The following ZNF732 variants were observed in gnomAD, a reference collection of about 807,000 sequenced individuals.
The protein encoded by ZNF732 is zinc finger protein LOC654254.
A neutral mutation model predicts 11.5 loss-of-function variants in ZNF732; 12 were observed. That is an observed-to-expected ratio of 1.05 (90% CI 0.67 to 1.70). ZNF732 has a LOEUF of 1.70. Ranked by LOEUF, ZNF732 falls within the 40% of genes most tolerant of loss-of-function variation. The pLI is 0.00. For synonymous variants in ZNF732, 231 were observed against 236.5 expected (o/e 0.98, Z 0.21); for missense variants, 702 against 676.9 (o/e 1.04, Z -0.41).
chr4:279,146 A>C (rs1206484515), intron 3 of ZNF732, among the ~76,000 whole-genome samples: 2 of 151,958 alleles, frequency 1.3e-5, no homozygotes, highest in Admixed American at 6.6e-5. Flanking sequence ...GAAAAAAAAA[A>C]CAGACATGGG....
At position 271,183 on chromosome 4, in the gene ZNF732, G is replaced by A; in HGVS notation, c.1674C>T (p.Pro558=). 6 of 1,554,200 alleles carry A rather than the reference G, an allele frequency of 3.9e-6. No homozygotes were observed. In the South Asian group the frequency reaches 7.1e-5, roughly 18 times the overall value. Residue 558 remains proline (P), a synonymous_variant, in exon 4 of 4, where the codon CCC becomes CCT. Transcript: ENST00000419098. Reference sequence around the variant, plus strand: ...AGGCTTTGCCACATCCTTTACATTTGGGGGTTTTATCTCCAGTATGAATTG... The same window carrying A: ...AGGCTTTGCCACATCCTTTACATTTAGGGGTTTTATCTCCAGTATGAATTG... ...YKTIHTGDKT[P]KCKGCGKAFK...
intron 3 of ZNF732, among the ~76,000 whole-genome samples, chr4:294,152 C>G (rs540713800): frequency 5.9e-5 from 9 of 152,178 alleles, no homozygotes; most frequent in African/African-American, 2.2e-4. Context: ...AGGCGCCCCC[C>G]ACCATGCCCA....
chr4:304,835 C>T (rs1720195890), intron 1 of ZNF732, among the ~76,000 whole-genome samples: 1 of 152,242 alleles, frequency 6.6e-6, no homozygotes, highest in Non-Finnish European at 1.5e-5. Flanking sequence ...CCTCACACAC[C>T]TCACAAAAGC....
rs1045391158 is a variant in ZNF732, at chr4:302,911, C to T, written c.3+2397G>A. Among the ~76,000 whole-genome samples the T allele has an allele frequency of 4.6e-5, 7 of 152,226 alleles. No individual in the cohort carries two copies. In the East Asian group the frequency reaches 1.4e-3, roughly 29 times the overall value. On this transcript the variant is annotated intron_variant, in intron 1 of 3. Transcript: ENST00000419098. The stretch of plus-strand genomic sequence containing the variant: ...TCTTTTAATCACCTAGCCTTGTTTC[C>T]ACCTGAGTTGACTCTCCCTTAGCTA...
intron 1 of ZNF732, among the ~76,000 whole-genome samples, chr4:300,225 G>T (rs1720085369): frequency 1.3e-5 from 2 of 150,456 alleles, no homozygotes; most frequent in African/African-American, 4.9e-5. Context: ...CACTTTGGGA[G>T]GCCGAGGCAG....
Position 271,033 on chromosome 4 carries a change from A to G in ZNF732, c.*66T>C. ...CACATTTGTATAGTTTATTTCCAGT[A>G]TAAATTTTCTTATGTTCATTCAGGT... On this transcript the variant is annotated 3_prime_UTR_variant, in exon 4 of 4. Transcript: ENST00000419098. 7.9e-7 allele frequency: 1 copy of G among 1,258,864 alleles called. No individual in the cohort carries two copies. Among genetic ancestry groups the G allele is most frequent in the Non-Finnish European group, 1.1e-6 (1 of 913,468 alleles). 78.0% of individuals were successfully genotyped at this position (1,258,864 alleles called of 1,614,324 possible).
Position 303,126 on chromosome 4 carries a change from T to C in ZNF732, c.3+2182A>G, listed in dbSNP as rs1560166453. On this transcript the variant is annotated intron_variant, in intron 1 of 3. Transcript: ENST00000419098. ...CAAAAGCCCCGCGTCTATCACCTTG[T>C]AATAATCTTAAAGCCCCTGCACCTG... Among the ~76,000 whole-genome samples, 4 of 152,234 alleles carry C rather than the reference T, an allele frequency of 2.6e-5. No homozygotes were observed. In the South Asian group the frequency reaches 8.3e-4, roughly 31 times the overall value.
At chr4:282,920 A>G (rs1719646302) in intron 3 of ZNF732, among the ~76,000 whole-genome samples, 1 of 152,214 alleles carries the variant, frequency 6.6e-6, no homozygotes, top group African/African-American at 2.4e-5. Flanking sequence ...AAAACAATGA[A>G]CAAAATGATA....
chr4:271,742 C>G lies in ZNF732; in HGVS notation c.1115G>C (p.Arg372Thr). The stretch of plus-strand genomic sequence containing the variant: ...ATGTTTATTAAGGGTTGCGGATTGT[C>G]TAAAGGCTTTGCCACATTGTTCACA... ...YKCEQCGKAF[R>T]QSATLNKHKS... The change falls in exon 4 of 4, where the codon AGA (arginine) becomes ACA (threonine). Residue 372 changes from arginine (R) to threonine (T), a missense_variant. Physicochemically the swap from Arg to Thr is moderately conservative, Grantham distance 71. This residue lies in a region of ZNF732 where 596 missense variants were observed against 557.9 expected (regional missense o/e 1.07). Coordinates refer to ENST00000419098, the MANE Select transcript of ZNF732 (RefSeq NM_001137608.3). 2 of 1,610,258 alleles carry G rather than the reference C, an allele frequency of 1.2e-6. No individual in the cohort carries two copies. The highest frequency in any genetic ancestry group is 1.3e-5 in the African/African-American group (1 of 74,430).
intron 3 of ZNF732, among the ~76,000 whole-genome samples, chr4:280,566 CAA>C (rs1479969685): frequency 2.6e-5 from 4 of 151,904 alleles, no homozygotes; most frequent in African/African-American, 9.7e-5. Flanking sequence ...GCCTGGGCAA[CAA>C]GAGCAAAAAA....
rs1719402868 is a variant in ZNF732, at chr4:272,339, CCA to C, written c.516_517del (p.Cys172TrpfsTer26). ...GTCTGAGAACTTCTGAAATGACTTGCCACATTCTTTAAAGTGTTTCTCTCCAG... is the reference window on the plus strand; with the variant it reads ...GTCTGAGAACTTCTGAAATGACTTGCCATTCTTTAAAGTGTTTCTCTCCAG... On this transcript the variant is annotated frameshift_variant, in exon 4 of 4. Transcript: ENST00000419098. LOFTEE classifies it low-confidence loss of function (END_TRUNC). 3 of 1,609,998 alleles carry C rather than the reference CCA, an allele frequency of 1.9e-6. No individual in the cohort carries two copies.
intron 3 of ZNF732, among the ~76,000 whole-genome samples, chr4:274,017 T>C (rs782261731): frequency 2.0e-5 from 3 of 151,758 alleles, no homozygotes; most frequent in Non-Finnish European, 4.4e-5. Context: ...CAAGAAAGTA[T>C]CTTCCAGTGA....
intron 3 of ZNF732, among the ~76,000 whole-genome samples, chr4:279,036 T>TTG (rs1156711611): frequency 4.6e-5 from 7 of 152,292 alleles, no homozygotes; most frequent in Admixed American, 1.3e-4. Flanking sequence ...CTTAAAGATA[T>TTG]TGTGTGTGTG....
intron 1 of ZNF732, among the ~76,000 whole-genome samples, chr4:303,770 C>T (rs1451336488): frequency 6.6e-6 from 1 of 152,170 alleles, no homozygotes; most frequent in Admixed American, 6.5e-5. Context: ...GTCTTGAAGT[C>T]ACTAACGTCT....
rs994372361 is a variant in ZNF732, at chr4:270,967, A to G, written c.*132T>C. ...TTCTCCAGTATGAATTCTTACTTTCATTCAGGGTTGTGGACCATCCAAAAG... is the reference window on the plus strand; with the variant it reads ...TTCTCCAGTATGAATTCTTACTTTCGTTCAGGGTTGTGGACCATCCAAAAG... On this transcript the variant is annotated 3_prime_UTR_variant, in exon 4 of 4. Transcript: ENST00000419098. The G allele has an allele frequency of 5.3e-5, 46 of 862,502 alleles. No homozygotes were observed. The African/African-American group carries it at 6.7e-4, about 13-fold the overall frequency. 53.4% of individuals were successfully genotyped at this position (862,502 alleles called of 1,614,324 possible).
At chr4:285,160 T>G (rs1719704774) in intron 3 of ZNF732, among the ~76,000 whole-genome samples, 1 of 152,180 alleles carries the variant, frequency 6.6e-6, no homozygotes, top group African/African-American at 2.4e-5. Context: ...GCATACTATG[T>G]TCACAGGAAA....
chr4:299,360 T>TATATAC (rs1720031479), intron 1 of ZNF732, among the ~76,000 whole-genome samples: 1 of 110,586 alleles, frequency 9.0e-6, no homozygotes, highest in African/African-American at 3.1e-5. Flanking sequence ...TACACATATA[T>TATATAC]ACACATATGT....
rs553409844 is a variant in ZNF732 at position 272,628 on chromosome 4, C to T, written c.229G>A (p.Val77Met). ...IHETVAKHPA[V>M]CSHFTQDFLP... Reference sequence around the variant, plus strand: ...AAGTCTTGGGTGAAATGAGAACACACAGCTGAAAGAAATAAAAATAAATTA... The same window carrying T: ...AAGTCTTGGGTGAAATGAGAACACATAGCTGAAAGAAATAAAAATAAATTA... Residue 77 changes from valine to methionine, a missense_variant and splice_region_variant, in exon 4 of 4, where the codon GTG (valine) becomes ATG (methionine). By Grantham distance (21) the Val-to-Met change is conservative (BLOSUM62 1). Transcript: ENST00000419098. 1.3e-6 allele frequency: 2 copies of T among 1,504,714 alleles called. No homozygotes were observed. The highest frequency in any genetic ancestry group is 1.8e-6 in the Non-Finnish European group (2 of 1,129,808). The allele number at this position is 1,504,714 out of a possible 1,614,324, so 93.2% of individuals were successfully genotyped here.
chr4:284,891 A>G (rs12719767), intron 3 of ZNF732, among the ~76,000 whole-genome samples: 6,037 of 126,746 alleles, frequency 0.048, 145 homozygotes, highest in South Asian at 0.12. Context: ...AAAAAAAAAA[A>G]AAGAAGAAGA....
Sources: allele counts gnomAD v4.1 joint callset (sites outside exome capture counted in the v4.1 genomes callset), GRCh38; gene constraint gnomAD v4.1.1; regional missense constraint gnomAD v4.1.1; transcripts MANE v1.5; gene names NCBI Gene and HGNC (gene_info 2026-07-23, HGNC 2026-07-21).